The following MTM1 variants were observed in gnomAD, a reference collection of about 807,000 sequenced individuals.
MTM1 encodes the protein myotubularin 1, also known as myotubularin.
MTM1 carries 9 observed loss-of-function variants against 52.1 expected under a neutral mutation model. The observed-to-expected ratio is 0.17, with a 90% CI of 0.10 to 0.30. The LOEUF (loss-of-function observed/expected upper bound fraction) is 0.30. MTM1 is among the 10% of genes least tolerant of loss of function. The pLI, the probability that MTM1 is intolerant of heterozygous loss-of-function variation, is 1.00. For missense variants in MTM1, 277 were observed against 470.7 expected (o/e 0.59, Z 3.81); for synonymous variants, 136 against 163.8 (o/e 0.83, Z 1.29).
At chrX:150,611,375 C>G (rs782588616) in intron 4 of MTM1, among the ~76,000 whole-genome samples, 1 of 112,481 alleles carries the variant, frequency 8.9e-6, no homozygotes, top group Non-Finnish European at 1.9e-5. Flanking sequence ...GTGATAGTAA[C>G]TCACCACTGT....
At chrX:150,600,722 C>T (rs2039053790) in intron 4 of MTM1, among the ~76,000 whole-genome samples, 1 of 112,205 alleles carries the variant, frequency 8.9e-6, no homozygotes, top group Non-Finnish European at 1.9e-5. Flanking sequence ...TTCTGTATAG[C>T]TCCCAAGGGT....
chrX:150,647,449 A>G (rs1215830319), intron 9 of MTM1, among the ~76,000 whole-genome samples: 2 of 110,622 alleles, frequency 1.8e-5, no homozygotes, highest in Non-Finnish European at 3.8e-5. Flanking sequence ...AAAAAGCCTA[A>G]GCTTTACAGA....
intron 4 of MTM1, among the ~76,000 whole-genome samples, chrX:150,608,280 G>A (rs1251909959): frequency 9.0e-6 from 1 of 111,280 alleles, no homozygotes; most frequent in Non-Finnish European, 1.9e-5. Context: ...GTGCAGTGGT[G>A]CAATCATAGC....
chrX:150,624,710 T>C (rs781935633), intron 6 of MTM1, among the ~76,000 whole-genome samples: 1 of 112,118 alleles, frequency 8.9e-6, no homozygotes, highest in East Asian at 2.8e-4. Flanking sequence ...TAAGTGTGGC[T>C]ACGTGAAACA....
intron 4 of MTM1, among the ~76,000 whole-genome samples, chrX:150,600,168 A>G (rs1557412712): frequency 9.0e-6 from 1 of 111,405 alleles, no homozygotes; most frequent in Non-Finnish European, 1.9e-5. Context: ...AGCATTTCTG[A>G]TGCAATGCAG....
intron 7 of MTM1, among the ~76,000 whole-genome samples, chrX:150,640,330 T>C (rs2039827171): frequency 8.9e-6 from 1 of 112,070 alleles, no homozygotes; most frequent in Non-Finnish European, 1.9e-5. Flanking sequence ...TGTTCTAGAC[T>C]GCCATTATAT....
intron 2 of MTM1, among the ~76,000 whole-genome samples, chrX:150,593,647 C>T (rs1205583880): frequency 8.9e-6 from 1 of 111,829 alleles, no homozygotes; most frequent in Non-Finnish European, 1.9e-5. Flanking sequence ...TTCTTGATTA[C>T]TAATGAGGTT....
At chrX:150,631,400 G>T (rs1557413566) in intron 6 of MTM1, among the ~76,000 whole-genome samples, 1 of 111,612 alleles carries the variant, frequency 9.0e-6, no homozygotes, top group Non-Finnish European at 1.9e-5. Flanking sequence ...GGTGAGTCAC[G>T]CCTTGCAATC....
At chrX:150,586,691 A>G (rs956220851) in intron 1 of MTM1, among the ~76,000 whole-genome samples, 1 of 111,056 alleles carries the variant, frequency 9.0e-6, no homozygotes, top group South Asian at 3.8e-4. Flanking sequence ...ATGTGGGCGG[A>G]TCACTTGAGG....
Position 150,621,994 on chromosome X carries a change from T to C in MTM1, c.444+2855T>C, listed in dbSNP as rs190322492. 1.4e-4 allele frequency among the ~76,000 whole-genome samples: 15 copies of C among 110,746 alleles called. 1 individual carries two copies. The highest frequency in any genetic ancestry group is 4.9e-4 in the African/African-American group (15 of 30,462). On this transcript the variant is annotated intron_variant, in intron 6 of 14. Coordinates refer to ENST00000370396, the MANE Select transcript of MTM1 (RefSeq NM_000252.3). Reference sequence around the variant, plus strand: ...CGGGTTAGTAGAAAGGAAGGAAAAATCACTATATGGAAACAAATGAGATGG... The same window carrying C: ...CGGGTTAGTAGAAAGGAAGGAAAAACCACTATATGGAAACAAATGAGATGG...
chrX:150,587,570 T>C (rs1460578222), intron 1 of MTM1, among the ~76,000 whole-genome samples: 1 of 112,123 alleles, frequency 8.9e-6, no homozygotes, highest in Non-Finnish European at 1.9e-5. Context: ...ATGTGTTAAA[T>C]TGATGGTGTA....
At chrX:150,577,223 G>A (rs961247651) in intron 1 of MTM1, among the ~76,000 whole-genome samples, 1 of 112,016 alleles carries the variant, frequency 8.9e-6, no homozygotes. Flanking sequence ...TTGATCATTT[G>A]AGTTGATTCA....
chrX:150,614,589 G>C lies in MTM1; in HGVS notation c.232G>C (p.Asp78His), dbSNP rs1557413087. ...YRLYLRSLETDSSLILDVPLG... is the reference protein window; with the variant it reads ...YRLYLRSLETHSSLILDVPLG... ...ACTACTGTATTTTTGTCCATTACAGGATTCTTCTCTAATACTTGATGTTCC... is the reference window on the plus strand; with the variant it reads ...ACTACTGTATTTTTGTCCATTACAGCATTCTTCTCTAATACTTGATGTTCC... The change falls in exon 5 of 15, where the codon GAT becomes CAT. Residue 78 changes from aspartate to histidine, a missense_variant and splice_region_variant. Asp to His is a moderately conservative substitution (Grantham distance 81, BLOSUM62 -1). This residue lies in a region of MTM1 where 164 missense variants were observed against 283.3 expected (regional missense o/e 0.58). Coordinates refer to ENST00000370396, the MANE Select transcript of MTM1 (RefSeq NM_000252.3). The C allele has an allele frequency of 1.7e-6, 2 of 1,144,850 alleles. No individual in the cohort carries two copies. The highest frequency in any genetic ancestry group is 3.6e-5 in the African/African-American group (2 of 55,714). 94.3% of individuals were successfully genotyped at this position (1,144,850 alleles called of 1,213,427 possible). A position where few individuals can be genotyped will look rare whatever the true frequency, so the allele number is the denominator to read the frequency against.
intron 10 of MTM1, among the ~76,000 whole-genome samples, chrX:150,653,507 G>A (rs2040061929): frequency 8.9e-6 from 1 of 112,236 alleles, no homozygotes; most frequent in African/African-American, 3.2e-5. Flanking sequence ...GTATACACAG[G>A]TTCCAGGGAT....
intron 1 of MTM1, among the ~76,000 whole-genome samples, chrX:150,589,401 C>CAT (rs782162932): frequency 9.0e-6 from 1 of 111,668 alleles, no homozygotes; most frequent in African/African-American, 3.3e-5. Flanking sequence ...CTGTAGTTAA[C>CAT]ATATATATAC....
intron 12 of MTM1, 105 bp from the exon 13 acceptor site, chrX:150,660,266 A>T (rs1478247012): frequency 3.8e-6 from 2 of 526,868 alleles, no homozygotes; most frequent in East Asian, 7.2e-5. Flanking sequence ...TCCTTCCTAG[A>T]GCCCTACAAT....
intron 6 of MTM1, among the ~76,000 whole-genome samples, chrX:150,631,227 T>C (rs1370520584): frequency 8.9e-6 from 1 of 112,653 alleles, no homozygotes; most frequent in African/African-American, 3.2e-5. Flanking sequence ...ACCAAGTGTC[T>C]GGCAAGGGCC....
intron 2 of MTM1, among the ~76,000 whole-genome samples, chrX:150,594,985 T>A (rs1941946345): frequency 9.0e-6 from 1 of 111,397 alleles, no homozygotes; most frequent in South Asian, 3.8e-4. Context: ...TTAAAATGTT[T>A]AGCTTGCAAG....
At chrX:150,657,569 TAACA>T (rs2040141598) in intron 10 of MTM1, among the ~76,000 whole-genome samples, 1 of 109,666 alleles carries the variant, frequency 9.1e-6, no homozygotes, top group Admixed American at 9.7e-5. Flanking sequence ...TATACATATG[TAACA>T]AACCTGCACG....
Sources: allele counts gnomAD v4.1 joint callset (sites outside exome capture counted in the v4.1 genomes callset), GRCh38; gene constraint gnomAD v4.1.1; regional missense constraint gnomAD v4.1.1; transcripts MANE v1.5; gene names NCBI Gene and HGNC (gene_info 2026-07-23, HGNC 2026-07-21).